The following WDPCP variants were observed in gnomAD, a reference collection of about 807,000 sequenced individuals.
WDPCP encodes the protein WD repeat containing planar cell polarity effector, also known as WD repeat-containing and planar cell polarity effector protein fritz homolog.
In WDPCP, 71 loss-of-function variants were observed where a neutral mutation model predicts 93.1. The observed-to-expected ratio is 0.76, with a 90% CI of 0.63 to 0.93. The LOEUF is 0.93. Ranked by LOEUF, WDPCP falls within the 40% of genes least tolerant of loss-of-function variation. The pLI, the probability that WDPCP is intolerant of heterozygous loss-of-function variation, is 0.00. For missense variants in WDPCP, 844 were observed against 887.4 expected (o/e 0.95, Z 0.62); for synonymous variants, 315 against 315.0 (o/e 1.00, Z 0.00).
intron 10 of WDPCP, among the ~76,000 whole-genome samples, chr2:63,395,323 C>T (rs988053149): frequency 2.0e-5 from 3 of 152,048 alleles, no homozygotes; most frequent in Admixed American, 2.0e-4. Flanking sequence ...TTTACTGTAC[C>T]TATCACCCAA....
At position 63,627,893 on chromosome 2, in the gene WDPCP, T is replaced by C. The variant is rs1399491052; in HGVS notation, n.488+22766A>G. On this transcript the variant is annotated intron_variant and non_coding_transcript_variant, in intron 3 of 4. Transcript: ENST00000467687. The stretch of plus-strand genomic sequence containing the variant: ...CTGTCACACTGACCCTCTGCCCTCC[T>C]GGTGGAGAGCAACTGCCTGACGCAA... Among the ~76,000 whole-genome samples, 3 of 152,220 alleles carry C rather than the reference T, an allele frequency of 2.0e-5. No homozygotes were observed. In the South Asian group the frequency reaches 6.2e-4, roughly 31 times the overall value.
chr2:63,625,718 C>T (rs988513795), intron 3 of WDPCP, among the ~76,000 whole-genome samples: 8 of 152,156 alleles, frequency 5.3e-5, no homozygotes, highest in Non-Finnish European at 1.0e-4. Context: ...ACATTCCATG[C>T]TCATGGATGG....
chr2:63,722,029 T>C (rs1375222369), intron 2 of WDPCP, among the ~76,000 whole-genome samples: 3 of 152,066 alleles, frequency 2.0e-5, no homozygotes, highest in African/African-American at 7.2e-5. Context: ...GTTCACTCAG[T>C]GCTCAATGGT....
chr2:63,708,990 G>C (rs1031513981), intron 2 of WDPCP, among the ~76,000 whole-genome samples: 4 of 150,034 alleles, frequency 2.7e-5, no homozygotes, highest in Non-Finnish European at 3.0e-5. Flanking sequence ...GGAGGCCGAG[G>C]GGGGTGGATC....
chr2:63,574,251 G>A (rs377028533), intron 1 of WDPCP, among the ~76,000 whole-genome samples: 2 of 152,184 alleles, frequency 1.3e-5, no homozygotes, highest in Admixed American at 6.5e-5. Flanking sequence ...GGAAGCTGCC[G>A]ACATGTGATG....
intron 15 of WDPCP, among the ~76,000 whole-genome samples, chr2:63,156,009 T>A (rs368449398): frequency 1.3e-5 from 2 of 152,120 alleles, no homozygotes; most frequent in African/African-American, 4.8e-5. Context: ...TATTTGTTTA[T>A]TTATTTATTT....
chr2:63,472,481 T>C (rs932392477), intron 6 of WDPCP, among the ~76,000 whole-genome samples: 2 of 152,144 alleles, frequency 1.3e-5, no homozygotes, highest in African/African-American at 4.8e-5. Context: ...CTGTTCCACA[T>C]TATAGGGATA....
At chr2:63,378,687 C>G (rs1254901745) in intron 11 of WDPCP, among the ~76,000 whole-genome samples, 178 bp from the exon 12 acceptor site, 1 of 152,096 alleles carries the variant, frequency 6.6e-6, no homozygotes, top group Non-Finnish European at 1.5e-5. Context: ...TATAAACTTT[C>G]ACTTGAGGCA....
At chr2:63,446,270 C>A (rs1178246250) in intron 6 of WDPCP, among the ~76,000 whole-genome samples, 1 of 152,144 alleles carries the variant, frequency 6.6e-6, no homozygotes, top group African/African-American at 2.4e-5. Flanking sequence ...GCAAGCATTA[C>A]CGCCTGAGCT....
chr2:63,526,882 A>G (rs1328508802), intron 1 of WDPCP, among the ~76,000 whole-genome samples: 3 of 152,200 alleles, frequency 2.0e-5, no homozygotes, highest in Non-Finnish European at 2.9e-5. Context: ...ATGAACTAGA[A>G]TGCATGCCAC....
chr2:63,507,125 T>C (rs1229286983), intron 1 of WDPCP, among the ~76,000 whole-genome samples: 1 of 152,050 alleles, frequency 6.6e-6, no homozygotes, highest in Non-Finnish European at 1.5e-5. Flanking sequence ...CTGAAGTACA[T>C]GATTTTCTCT....
intron 9 of WDPCP, among the ~76,000 whole-genome samples, chr2:63,431,495 T>C (rs1399173786): frequency 6.6e-6 from 1 of 151,810 alleles, no homozygotes; most frequent in Non-Finnish European, 1.5e-5. Context: ...TTTTAGGGTT[T>C]AAGAGCATAT....
intron 3 of WDPCP, among the ~76,000 whole-genome samples, chr2:63,633,558 G>A (rs533823517): frequency 1.4e-4 from 21 of 152,018 alleles, no homozygotes; most frequent in South Asian, 4.1e-4. Flanking sequence ...TATGGAAGCC[G>A]CATGGTAACA....
intron 2 of WDPCP, among the ~76,000 whole-genome samples, chr2:63,778,064 C>T (rs186182749): frequency 6.6e-6 from 1 of 152,116 alleles, no homozygotes; most frequent in Non-Finnish European, 1.5e-5. Context: ...ACCCTATTTC[C>T]TTCAACTCCA....
chr2:63,730,490 G>A (rs555617650), intron 2 of WDPCP, among the ~76,000 whole-genome samples: 5 of 152,248 alleles, frequency 3.3e-5, no homozygotes, highest in South Asian at 2.1e-4. Context: ...TTGAGACGGA[G>A]TCTCGCTCTG....
chr2:63,739,015 T>C (rs1053475995), intron 2 of WDPCP, among the ~76,000 whole-genome samples: 10 of 152,180 alleles, frequency 6.6e-5, no homozygotes, highest in African/African-American at 2.4e-4. Flanking sequence ...TTGATCAACA[T>C]TATGTTTATT....
chr2:63,509,504 T>G (rs1287523948), intron 1 of WDPCP, among the ~76,000 whole-genome samples: 1 of 152,070 alleles, frequency 6.6e-6, no homozygotes, highest in Non-Finnish European at 1.5e-5. Context: ...ACTGACACCC[T>G]AACATCACAA....
chr2:63,253,022 A>C (rs1680866561), intron 14 of WDPCP, among the ~76,000 whole-genome samples: 1 of 152,192 alleles, frequency 6.6e-6, no homozygotes, highest in Non-Finnish European at 1.5e-5. Context: ...CTATACTACA[A>C]GTCTGCAGTA....
At chr2:63,486,665 A>T in intron 3 of WDPCP, 79 bp from the exon 4 acceptor site, 1 of 1,209,178 alleles carries the variant, frequency 8.3e-7, no homozygotes, top group South Asian at 1.4e-5. Context: ...GTATTTTAAT[A>T]TGTACATGTA....
Sources: allele counts gnomAD v4.1 joint callset (sites outside exome capture counted in the v4.1 genomes callset), GRCh38; gene constraint gnomAD v4.1.1; transcripts MANE v1.5; gene names NCBI Gene and HGNC (gene_info 2026-07-23, HGNC 2026-07-21).